Variants in MRPS18C observed in about 807,000 individuals in gnomAD.
The protein encoded by MRPS18C is mitochondrial ribosomal protein S18C, also known as small ribosomal subunit protein bS18m.
In MRPS18C, 21 loss-of-function variants were observed where a neutral mutation model predicts 21.0. The ratio of observed to expected loss-of-function variants is 1.00; its 90% CI spans 0.71 to 1.44. MRPS18C has a LOEUF of 1.44. MRPS18C is among the 40% of genes most tolerant of loss of function. The pLI is 0.00. For missense variants in MRPS18C, 152 were observed against 171.5 expected (o/e 0.89, Z 0.64); for synonymous variants, 65 against 54.3 (o/e 1.20, Z -0.87).
At chr4:83,458,673 A>C in intron 3 of MRPS18C, 1 of 349,464 alleles carries the variant, frequency 2.9e-6, no homozygotes, top group Non-Finnish European at 5.1e-6. Flanking sequence ...AAACATCTTA[A>C]TAGCTCCCTG....
intron 1 of MRPS18C, among the ~76,000 whole-genome samples, chr4:83,456,641 C>CT (rs1297372628): frequency 6.6e-6 from 1 of 152,102 alleles, no homozygotes; most frequent in African/African-American, 2.4e-5. Flanking sequence ...AGAATTTTCT[C>CT]TAACCATGGA....
rs988059976 is a variant in MRPS18C at position 83,462,095 on chromosome 4, G to A, written c.*898G>A. The A allele has an allele frequency of 1.7e-5, 4 of 238,714 alleles. No homozygotes were observed. Among genetic ancestry groups the A allele is most frequent in the Admixed American group, 5.6e-5 (1 of 18,002 alleles). 14.8% of individuals were successfully genotyped at this position (238,714 alleles called of 1,614,324 possible). A position where few individuals can be genotyped will look rare whatever the true frequency, so the allele number is the denominator to read the frequency against. On this transcript the variant is annotated 3_prime_UTR_variant, in exon 6 of 6. Coordinates refer to ENST00000295491, the MANE Select transcript of MRPS18C (RefSeq NM_016067.4). ...TTTTTAATAGACATGGTCTCAATACGTTGCCCAGGCTGGTCTCTAACTCCT... is the reference window on the plus strand; with the variant it reads ...TTTTTAATAGACATGGTCTCAATACATTGCCCAGGCTGGTCTCTAACTCCT...
Position 83,456,965 on chromosome 4 carries a change from A to T in MRPS18C, c.150+7A>T, listed in dbSNP as rs1560566470. 3.1e-6 allele frequency: 5 copies of T among 1,605,960 alleles called. No homozygotes were observed. The highest frequency in any genetic ancestry group is 4.3e-6 in the Non-Finnish European group (5 of 1,176,346). ...ATCCAGCAATGAGGACCTGGTAAGA[A>T]TTTTTTTTTCTATTAGTAAGGCCTT... On this transcript the variant is annotated splice_region_variant and intron_variant, in intron 2 of 5. Coordinates refer to ENST00000295491, the MANE Select transcript of MRPS18C (RefSeq NM_016067.4).
chr4:83,461,310 A>G lies in MRPS18C; in HGVS notation c.*113A>G. ...AAGTGTTTGAGGAGTGAGGTAAAGA[A>G]TGACACTTCCCCTTCATACCAATGT... On this transcript the variant is annotated 3_prime_UTR_variant, in exon 6 of 6. Transcript: ENST00000295491. 1.2e-6 allele frequency: 1 copy of G among 834,898 alleles called. No homozygotes were observed. The highest frequency in any genetic ancestry group is 2.0e-6 in the Non-Finnish European group (1 of 494,280). The allele number at this position is 834,898 out of a possible 1,614,324, so 51.7% of individuals were successfully genotyped here.
chr4:83,456,087 G>C lies in MRPS18C; in HGVS notation c.10G>C (p.Val4Leu). The C allele has an allele frequency of 6.2e-7, 1 of 1,612,608 alleles. No homozygotes were observed. Among genetic ancestry groups the C allele is most frequent in the South Asian group, 1.1e-5 (1 of 91,014 alleles). The stretch of plus-strand genomic sequence containing the variant: ...GAAGAAACGCGGAACCATGGCCGCT[G>C]TGGTTGCTGTTTGCGGTGGTCTAGG... MAA[V>L]VAVCGGLGRK... Residue 4 changes from valine (V) to leucine (L), a missense_variant, in exon 1 of 6, where the codon GTG (valine) becomes CTG (leucine). Around this residue, in one of 2 missense-constraint regions of MRPS18C, gnomAD observed 118 missense variants for 104.4 expected, o/e 1.13. Coordinates refer to ENST00000295491, the MANE Select transcript of MRPS18C (RefSeq NM_016067.4).
rs1156973108 is a variant in MRPS18C at position 83,462,017 on chromosome 4, T to C, written c.*820T>C. 2 of 228,412 alleles carry C rather than the reference T, an allele frequency of 8.8e-6. No individual in the cohort carries two copies. Among genetic ancestry groups the C allele is most frequent in the South Asian group, 1.8e-4 (1 of 5,492 alleles). 14.1% of individuals were successfully genotyped at this position (228,412 alleles called of 1,614,324 possible). ...TTAATGACTCAGATAAATTTTCATA[T>C]AAATTTCTTTCCATATTTTGAAAAT... On this transcript the variant is annotated 3_prime_UTR_variant, in exon 6 of 6. Coordinates refer to ENST00000295491, the MANE Select transcript of MRPS18C (RefSeq NM_016067.4).
intron 3 of MRPS18C, 143 bp from the exon 4 acceptor site, chr4:83,459,596 CA>C: frequency 1.5e-6 from 1 of 659,762 alleles, no homozygotes; most frequent in South Asian, 2.1e-5. Context: ...AGGAGGATAA[CA>C]ATATTTTTTT....
Position 83,461,137 on chromosome 4 carries a change from A to G in MRPS18C, c.369A>G (p.Thr123=). The G allele has an allele frequency of 6.2e-7, 1 of 1,613,662 alleles. No homozygotes were observed. Among genetic ancestry groups the G allele is most frequent in the Non-Finnish European group, 8.5e-7 (1 of 1,179,844 alleles). ...TCTTTACAGGGTTTATGCCAGTTAC[A>G]TACAAGGATCCTGCATATCTCAAGG... ...RAQIMGFMPV[T]YKDPAYLKDP... The change falls in exon 6 of 6, where the codon ACA becomes ACG. Residue 123 remains threonine (T), a synonymous_variant. Transcript: ENST00000295491.
intron 2 of MRPS18C, chr4:83,458,144 A>T: frequency 4.4e-6 from 2 of 456,260 alleles, no homozygotes; most frequent in Middle Eastern, 5.9e-4. Flanking sequence ...ATTTTATTCT[A>T]TGAAGATTGT....
chr4:83,459,885 A>G, intron 4 of MRPS18C, 88 bp downstream of exon 4: 3 of 1,040,590 alleles, frequency 2.9e-6, no homozygotes, highest in South Asian at 3.1e-5. Context: ...AAATTTTCAA[A>G]TTGTGCTATA....
At chr4:83,460,464 T>A (rs1722047053) in intron 4 of MRPS18C, 1 of 153,708 alleles carries the variant, frequency 6.5e-6, no homozygotes, top group Non-Finnish European at 1.4e-5. Context: ...CCCACTTGTT[T>A]TTGTAGTTTT....
At chr4:83,456,884 A>G in intron 1 of MRPS18C, 25 bp from the exon 2 acceptor site, 1 of 1,608,176 alleles carries the variant, frequency 6.2e-7, no homozygotes, top group African/African-American at 1.3e-5. Flanking sequence ...AGAAATGGTT[A>G]ATTGCTGTTT....
Position 83,461,357 on chromosome 4 carries a change from TA to T in MRPS18C, c.*164del. 1 of 611,814 alleles carries T rather than the reference TA, an allele frequency of 1.6e-6. No homozygotes were observed. The highest frequency in any genetic ancestry group is 1.9e-5 in the South Asian group (1 of 52,946). 37.9% of individuals were successfully genotyped at this position (611,814 alleles called of 1,614,324 possible). The stretch of plus-strand genomic sequence containing the variant: ...ATGTCCATTAAGCAGATTGCTTATT[TA>T]AAATGTTAACACTCATCACATTTTA... On this transcript the variant is annotated 3_prime_UTR_variant, in exon 6 of 6. Transcript: ENST00000295491.
chr4:83,459,933 A>C (rs1052093362), intron 4 of MRPS18C, 136 bp downstream of exon 4: 6 of 653,484 alleles, frequency 9.2e-6, no homozygotes, highest in Non-Finnish European at 1.5e-5. Flanking sequence ...GACTAGAGCT[A>C]GTTACTATGA....
chr4:83,456,704 C>A (rs1721841398), intron 1 of MRPS18C, among the ~76,000 whole-genome samples: 2 of 152,082 alleles, frequency 1.3e-5, no homozygotes, highest in Non-Finnish European at 2.9e-5. Context: ...AAAATATGTT[C>A]TTTTCCCCCT....
At chr4:83,460,075 A>C (rs537300996) in intron 4 of MRPS18C, 2 of 236,738 alleles carry the variant, frequency 8.4e-6, no homozygotes, top group Admixed American at 5.6e-5. Context: ...ATTGATACTT[A>C]AACTTGGTGT....
At position 83,458,330 on chromosome 4, in the gene MRPS18C, T is replaced by C. The variant is rs1721941932; in HGVS notation, c.151-16T>C. On this transcript the variant is annotated splice_polypyrimidine_tract_variant and intron_variant, in intron 2 of 5. Transcript: ENST00000295491. Reference sequence around the variant, plus strand: ...TTAACACATCCTATTATCAGACTTTTCGTTTTTTTCCCTAGCCCATTTCAA... The same window carrying C: ...TTAACACATCCTATTATCAGACTTTCCGTTTTTTTCCCTAGCCCATTTCAA... 2 of 1,525,806 alleles carry C rather than the reference T, an allele frequency of 1.3e-6. No individual in the cohort carries two copies. Among genetic ancestry groups the C allele is most frequent in the African/African-American group, 1.4e-5 (1 of 72,670 alleles). 94.5% of individuals were successfully genotyped at this position (1,525,806 alleles called of 1,614,324 possible).
intron 3 of MRPS18C, 157 bp downstream of exon 3, chr4:83,458,586 C>T (rs1721954182): frequency 3.8e-6 from 2 of 526,904 alleles, no homozygotes; most frequent in South Asian, 5.5e-5. Flanking sequence ...ATAAGCTTAT[C>T]TCTGCTTTAT....
At chr4:83,459,705 C>CT (rs534293909) in intron 3 of MRPS18C, 35 bp from the exon 4 acceptor site, 22 of 1,566,260 alleles carry the variant, frequency 1.4e-5, no homozygotes, top group South Asian at 6.9e-5. Flanking sequence ...ATAACAGATA[C>CT]TTTTTTTTCC....
Sources: allele counts gnomAD v4.1 joint callset (sites outside exome capture counted in the v4.1 genomes callset), GRCh38; gene constraint gnomAD v4.1.1; regional missense constraint gnomAD v4.1.1; transcripts MANE v1.5; gene names NCBI Gene and HGNC (gene_info 2026-07-23, HGNC 2026-07-21).